CEP164: variants seen among roughly 807,000 people sequenced by gnomAD.
CEP164 encodes the protein centrosomal protein 164, also known as centrosomal protein of 164 kDa.
In CEP164, 162 loss-of-function variants were observed where a neutral mutation model predicts 182.7. The observed-to-expected ratio is 0.89, with a 90% CI of 0.78 to 1.01. The LOEUF is 1.01. Ranked by LOEUF, CEP164 falls within the 50% of genes least tolerant of loss-of-function variation. The pLI is 0.00. For synonymous variants in CEP164, 661 were observed against 690.0 expected, an observed-to-expected ratio of 0.96 and a Z score of 0.66; for missense variants, 1,735 against 1,790.4, an observed-to-expected ratio of 0.97 and a Z score of 0.56.
At chr11:117,321,861 A>C (rs2035255141) in intron 1 of CEP164, among the ~76,000 whole-genome samples, 1 of 81,496 alleles carries the variant, frequency 1.2e-5, no homozygotes, top group Non-Finnish European at 2.3e-5. Context: ...AGCCTGGTTA[A>C]ATTTTTGGGT....
intron 1 of CEP164, among the ~76,000 whole-genome samples, chr11:117,334,977 CTTGGGAAG>C (rs974536111): frequency 1.4e-4 from 22 of 152,108 alleles, no homozygotes; most frequent in Non-Finnish European, 7.4e-5. Context: ...AGAGCACATG[CTTGGGAAG>C]TGCTTATTCA....
At chr11:117,372,806 G>A (rs187854222) in intron 9 of CEP164, among the ~76,000 whole-genome samples, 6 of 152,302 alleles carry the variant, frequency 3.9e-5, no homozygotes, top group East Asian at 3.9e-4. Flanking sequence ...GTGTCGTGAC[G>A]AGATGGGGGT....
chr11:117,373,780 A>G lies in CEP164; in HGVS notation c.1182A>G (p.Glu394=). ...QELEISEHMK[E]PQLSDSIASD... is the part of the protein sequence containing the mutation. ...TGGAAATTAGTGAACACATGAAGGA[A>G]CCACAGCTCTCAGACTCCATAGCTT... Residue 394 remains glutamate, a synonymous_variant, in exon 10 of 33, where the codon GAA becomes GAG. Coordinates refer to ENST00000278935, the MANE Select transcript of CEP164 (RefSeq NM_014956.5). The G allele has an allele frequency of 2.5e-6, 4 of 1,614,166 alleles. No individual in the cohort carries two copies. The highest frequency in any genetic ancestry group is 3.4e-6 in the Non-Finnish European group (4 of 1,180,022).
chr11:117,393,181 G>GCACATGCACACA (rs147275668), intron 20 of CEP164, 55 bp downstream of exon 20: 12 of 1,584,572 alleles, frequency 7.6e-6, no homozygotes, highest in East Asian at 4.6e-5. Context: ...ACACATGCAC[G>GCACATGCACACA]CACATGCACA....
intron 10 of CEP164, 44 bp downstream of exon 10, chr11:117,373,875 G>C: frequency 6.5e-7 from 1 of 1,544,344 alleles, no homozygotes; most frequent in African/African-American, 1.4e-5. Flanking sequence ...GAAGAGCATA[G>C]ATTTGTGAGC....
Position 117,409,792 on chromosome 11 carries a change from G to GCCCC in CEP164, c.3924_3925insCCCC (p.Thr1309ProfsTer82). On this transcript the variant is annotated frameshift_variant, in exon 30 of 33. Coordinates refer to ENST00000278935, the MANE Select transcript of CEP164 (RefSeq NM_014956.5). LOFTEE classifies it high-confidence loss of function. The surrounding 1 kb of genome is among the most constrained non-coding windows in gnomAD (Gnocchi z 4.4). ...CAGCTCCCTCCCCGGGACCCTAAGA[G>GCCCC]CACCCCCACCCCCACCTACTATGGC... 1.2e-6 allele frequency: 2 copies of GCCCC among 1,612,938 alleles called. No individual in the cohort carries two copies.
At chr11:117,330,428 G>A (rs528230592) in intron 1 of CEP164, among the ~76,000 whole-genome samples, 19 of 152,238 alleles carry the variant, frequency 1.2e-4, no homozygotes, top group South Asian at 8.3e-4. Context: ...CAAGGCGGGC[G>A]GATCACCTGA....
upstream of CEP164, among the ~76,000 whole-genome samples, chr11:117,326,719 G>T (rs1471628280): frequency 6.6e-6 from 1 of 152,162 alleles, no homozygotes; most frequent in Non-Finnish European, 1.5e-5. Context: ...CCAACAATCT[G>T]AGTTTCTCAT....
chr11:117,340,086 C>A (rs1306981925), intron 3 of CEP164, among the ~76,000 whole-genome samples: 1 of 151,842 alleles, frequency 6.6e-6, no homozygotes, highest in Non-Finnish European at 1.5e-5. Context: ...AGGGCAGTGG[C>A]GGGATCTCTG....
chr11:117,337,629 GTC>G (rs1207440637), intron 2 of CEP164, among the ~76,000 whole-genome samples: 1 of 151,136 alleles, frequency 6.6e-6, no homozygotes, highest in Non-Finnish European at 1.5e-5. Flanking sequence ...TGTTCTGACT[GTC>G]TCTTCTTCAT....
Position 117,411,096 on chromosome 11 carries a change from C to T in CEP164, c.4163+202C>T. 1 of 561,702 alleles carries T rather than the reference C, an allele frequency of 1.8e-6. No individual in the cohort carries two copies. The highest frequency in any genetic ancestry group is 3.2e-6 in the Non-Finnish European group (1 of 310,412). The allele number at this position is 561,702 out of a possible 1,614,324, so 34.8% of individuals were successfully genotyped here. On this transcript the variant is annotated intron_variant, in intron 31 of 32. Transcript: ENST00000278935. This position sits in a 1 kb window ranked among gnomAD's most constrained non-coding sequence, Gnocchi z 4.4. ...TGACCAGGGGAAAGTCAAGTTCACACCGCCAAGGTCCCAGTGGGGAAGGGC... is the reference window on the plus strand; with the variant it reads ...TGACCAGGGGAAAGTCAAGTTCACATCGCCAAGGTCCCAGTGGGGAAGGGC...
chr11:117,396,625 G>A lies in CEP164; in HGVS notation c.3278+14G>A, dbSNP rs1416346617. The A allele has an allele frequency of 6.2e-7, 1 of 1,602,294 alleles. No homozygotes were observed. Among genetic ancestry groups the A allele is most frequent in the East Asian group, 2.2e-5 (1 of 44,792 alleles). On this transcript the variant is annotated intron_variant, in intron 26 of 32. Transcript: ENST00000278935. ...ATACTTGGACAGGTGAGTTCCCATA[G>A]CCTGTCTTATTTGAGGTTAGGGTAC...
rs2136418600 is a variant in CEP164, at chr11:117,394,400, G to A, written c.2667G>A (p.Glu889=). 1 of 1,612,668 alleles carries A rather than the reference G, an allele frequency of 6.2e-7. No homozygotes were observed. Among genetic ancestry groups the A allele is most frequent in the Non-Finnish European group, 8.5e-7 (1 of 1,179,480 alleles). The change falls in exon 21 of 33, where the codon GAG becomes GAA. Residue 889 remains glutamate (E), a synonymous_variant. Transcript: ENST00000278935. This position sits in a 1 kb window ranked among gnomAD's most constrained non-coding sequence, Gnocchi z 4.0. ...TGGGGCACCTGACCGGAGAGCTGGA[G>A]CGCCTGCAGAGGGCCCATGAACGAG... ...ELLGHLTGEL[E]RLQRAHEREL... is the part of the protein sequence containing the mutation.
chr11:117,395,899 A>AGCAG (rs1334702490), intron 24 of CEP164, among the ~76,000 whole-genome samples, 155 bp from the exon 25 acceptor site: 1 of 152,104 alleles, frequency 6.6e-6, no homozygotes, highest in African/African-American at 2.4e-5. Flanking sequence ...TTCTGTGAAA[A>AGCAG]GCAGGGGATC....
At position 117,341,451 on chromosome 11, in the gene CEP164, G is replaced by T. The variant is rs1302056735; in HGVS notation, c.83-2715G>T. On this transcript the variant is annotated intron_variant, in intron 3 of 32. Transcript: ENST00000278935. Reference sequence around the variant, plus strand: ...ATTGGCCTTTTTTTGTTGTTTGTTTGTTTTTTTTTTGAGACCGAGTTTCAC... The same window carrying T: ...ATTGGCCTTTTTTTGTTGTTTGTTTTTTTTTTTTTTGAGACCGAGTTTCAC... 1.6e-4 allele frequency among the ~76,000 whole-genome samples: 23 copies of T among 147,178 alleles called. No individual in the cohort carries two copies. In the South Asian group the frequency reaches 1.7e-3, roughly 11 times the overall value.
At position 117,394,981 on chromosome 11, in the gene CEP164, G is replaced by T. The variant is rs749310077; in HGVS notation, c.2822G>T (p.Arg941Ile). 18 of 1,614,078 alleles carry T rather than the reference G, an allele frequency of 1.1e-5. No homozygotes were observed. Among genetic ancestry groups the T allele is most frequent in the Non-Finnish European group, 6.8e-6 (8 of 1,180,046 alleles). ...ACCAGAGCTAAAGATGTCAAGGCCA[G>T]ATTGGCTCTGCTGGAGGTCCAGGTG... ...LETRAKDVKA[R>I]LALLEVQEET... Residue 941 changes from arginine to isoleucine, a missense_variant, in exon 22 of 33, where the codon AGA (arginine) becomes ATA (isoleucine). Coordinates refer to ENST00000278935, the MANE Select transcript of CEP164 (RefSeq NM_014956.5). This position sits in a 1 kb window ranked among gnomAD's most constrained non-coding sequence, Gnocchi z 4.0.
intron 14 of CEP164, chr11:117,384,472 A>G (rs918588066): frequency 1.3e-5 from 2 of 152,236 alleles, no homozygotes; most frequent in African/African-American, 4.8e-5. Flanking sequence ...TGTAGTTCAG[A>G]GAGAGGAAGA....
chr11:117,377,117 G>T (rs1229369732), intron 11 of CEP164, among the ~76,000 whole-genome samples: 3 of 152,230 alleles, frequency 2.0e-5, no homozygotes, highest in South Asian at 2.1e-4. Context: ...ATCCCTGGCA[G>T]AGGAAGCCCT....
intron 28 of CEP164, 147 bp from the exon 29 acceptor site, chr11:117,408,743 T>A (rs1436016576): frequency 9.9e-7 from 1 of 1,011,088 alleles, no homozygotes; most frequent in Non-Finnish European, 1.4e-6. Context: ...ATGGCCATAT[T>A]TCATGGATTT....
Sources: gnomAD v4.1 joint callset for allele counts (sites outside exome capture counted in the v4.1 genomes callset) on GRCh38, gnomAD v4.1.1 for gene constraint, Gnocchi (gnomAD v3.1) non-coding constraint, MANE v1.5 for transcripts, NCBI Gene and HGNC (gene_info 2026-07-23, HGNC 2026-07-21) for gene names.